ABCA10: variants seen among roughly 807,000 people sequenced by gnomAD.
ABCA10 encodes the protein ATP-binding cassette sub-family A member 10.
A neutral mutation model predicts 187.5 loss-of-function variants in ABCA10; 169 were observed. The ratio of observed to expected loss-of-function variants is 0.90; its 90% CI spans 0.80 to 1.02. The LOEUF (loss-of-function observed/expected upper bound fraction) is 1.02, where lower values mean the gene tolerates loss of function less well. Among genes scored for constraint, ABCA10 ranks in the 50% least tolerant of loss-of-function variants. ABCA10 has a pLI of 0.00. For missense variants in ABCA10, 1,727 were observed against 1,812.4 expected (o/e 0.95, Z 0.86); for synonymous variants, 574 against 601.8 (o/e 0.95, Z 0.68).
At chr17:69,219,463 A>G (rs2074729467) in intron 6 of ABCA10, 82 bp downstream of exon 6, 1 of 1,017,576 alleles carries the variant, frequency 9.8e-7, no homozygotes, top group Non-Finnish European at 1.4e-6. Context: ...AAAACTTGTG[A>G]GTGCGTCCAA....
At chr17:69,202,219 T>C (rs1018749467) in intron 9 of ABCA10, among the ~76,000 whole-genome samples, 1 of 152,136 alleles carries the variant, frequency 6.6e-6, no homozygotes, top group African/African-American at 2.4e-5. Flanking sequence ...GGGAATCATA[T>C]CAAACATCAA....
chr17:69,154,386 T>C, intron 30 of ABCA10, 60 bp from the exon 31 acceptor site: 1 of 1,268,122 alleles, frequency 7.9e-7, no homozygotes, highest in Non-Finnish European at 1.1e-6. Context: ...CTAAAATTGC[T>C]TGGTTGGTTG....
In ABCA10 at chr17:69,191,283, T is replaced by C. The variant is rs755289185; in HGVS notation, c.1904A>G (p.Lys635Arg). The change falls in exon 17 of 39, where the codon AAA becomes AGA. Residue 635 changes from lysine to arginine, a missense_variant. By Grantham distance (26) the Lys-to-Arg change is conservative. Coordinates refer to ENST00000690296, the MANE Select transcript of ABCA10 (RefSeq NM_001377321.1). ...LHRNEMCDTE[K>R]ITSLIKQHIP... ...GTGCTGCTTAATAAGGGATGTGATT[T>C]TTTCTGTGTCACACATTTCATTCCT... The C allele has an allele frequency of 1.0e-5, 16 of 1,600,384 alleles. No homozygotes were observed.
chr17:69,190,891 T>C (rs1412498208), intron 17 of ABCA10, among the ~76,000 whole-genome samples: 1 of 152,012 alleles, frequency 6.6e-6, no homozygotes, highest in Non-Finnish European at 1.5e-5. Context: ...AAAGTCTCAT[T>C]TCATCTGTAT....
chr17:69,235,248 G>A (rs1376289285), intron 1 of ABCA10, among the ~76,000 whole-genome samples: 3 of 152,108 alleles, frequency 2.0e-5, no homozygotes, highest in African/African-American at 7.2e-5. Flanking sequence ...TGCCTGAAAC[G>A]TTTCCTATTT....
At chr17:69,171,605 G>T (rs2144775865) in intron 25 of ABCA10, among the ~76,000 whole-genome samples, 1 of 152,194 alleles carries the variant, frequency 6.6e-6, no homozygotes, top group South Asian at 2.1e-4. Flanking sequence ...TGAATTCCAG[G>T]CATCCCAATT....
At chr17:69,193,443 T>G in intron 14 of ABCA10, 50 bp downstream of exon 14, 3 of 1,576,564 alleles carry the variant, frequency 1.9e-6, no homozygotes, top group Non-Finnish European at 2.6e-6. Context: ...TAATAATAGT[T>G]GTATATCCTT....
intron 1 of ABCA10, among the ~76,000 whole-genome samples, chr17:69,236,608 C>T (rs1412080122): frequency 6.6e-6 from 1 of 152,162 alleles, no homozygotes; most frequent in Non-Finnish European, 1.5e-5. Flanking sequence ...TATGGAAAAA[C>T]TACAGAAAAT....
rs1013114129 is a variant in ABCA10 at position 69,225,307 on chromosome 17, G to T, written c.34+18C>A. 6.2e-7 allele frequency: 1 copy of T among 1,611,942 alleles called. No homozygotes were observed. Among genetic ancestry groups the T allele is most frequent in the South Asian group, 1.1e-5 (1 of 90,958 alleles). On this transcript the variant is annotated intron_variant, in intron 3 of 38. Coordinates refer to ENST00000690296, the MANE Select transcript of ABCA10 (RefSeq NM_001377321.1). ...TTAAGTCACATAATACTGAAACATT[G>T]GTTATTGGACAACACACCTTTCATA...
intron 3 of ABCA10, chr17:69,223,594 T>A: frequency 5.1e-6 from 2 of 389,780 alleles, no homozygotes; most frequent in South Asian, 3.7e-5. Flanking sequence ...TACATTAAGA[T>A]GAAAAAGCTG....
chr17:69,155,482 C>T (rs577888703), intron 29 of ABCA10, among the ~76,000 whole-genome samples: 1 of 152,210 alleles, frequency 6.6e-6, no homozygotes, highest in Non-Finnish European at 1.5e-5. Context: ...ATTAATATTA[C>T]AAGCATACTA....
intron 10 of ABCA10, among the ~76,000 whole-genome samples, chr17:69,197,781 A>AT (rs151096369): frequency 0.015 from 2,347 of 152,166 alleles, 62 homozygotes; most frequent in African/African-American, 0.054. Context: ...GGCGTACTTT[A>AT]TGGACTCCTT....
At chr17:69,194,141 T>C in intron 12 of ABCA10, 152 bp from the exon 13 acceptor site, 1 of 828,506 alleles carries the variant, frequency 1.2e-6, no homozygotes, top group Non-Finnish European at 1.8e-6. Flanking sequence ...ATTGAATAAT[T>C]CAGATTACTG....
rs553256250 is a variant in ABCA10 at position 69,203,768 on chromosome 17, G to A, written c.1007-2100C>T. 1.1e-4 allele frequency among the ~76,000 whole-genome samples: 16 copies of A among 152,180 alleles called. No homozygotes were observed. In the East Asian group the frequency reaches 1.9e-3, roughly 18 times the overall value. On this transcript the variant is annotated intron_variant, in intron 9 of 38. Transcript: ENST00000690296. ...ATGCTTTTGGATTTTTTGTACAAAC[G>A]ATAGTTCAAGAAACAAATATGTTGT... is the stretch of plus-strand genomic sequence containing the variant.
intron 6 of ABCA10, 46 bp from the exon 7 acceptor site, chr17:69,216,404 G>A: frequency 6.4e-7 from 1 of 1,560,006 alleles, no homozygotes; most frequent in Non-Finnish European, 8.7e-7. Context: ...AAACATAAAT[G>A]TTTGGAGAGG....
At chr17:69,218,813 A>G (rs2074725144) in intron 6 of ABCA10, among the ~76,000 whole-genome samples, 1 of 152,184 alleles carries the variant, frequency 6.6e-6, no homozygotes, top group Admixed American at 6.5e-5. Flanking sequence ...TAACATTTTT[A>G]CAGACTATGT....
intron 9 of ABCA10, among the ~76,000 whole-genome samples, chr17:69,205,241 A>G (rs2074582514): frequency 6.6e-6 from 1 of 152,232 alleles, no homozygotes; most frequent in African/African-American, 2.4e-5. Flanking sequence ...TGAAGCTGAG[A>G]GAGAAAAAGA....
intron 10 of ABCA10, among the ~76,000 whole-genome samples, chr17:69,197,660 G>A (rs2074515688): frequency 6.6e-6 from 1 of 152,102 alleles, no homozygotes; most frequent in Non-Finnish European, 1.5e-5. Flanking sequence ...GTCCTTATTT[G>A]ATATACTTCA....
At chr17:69,209,296 T>A (rs182374202) in intron 9 of ABCA10, among the ~76,000 whole-genome samples, 58 of 150,624 alleles carry the variant, frequency 3.9e-4, no homozygotes, top group Middle Eastern at 3.4e-3. Flanking sequence ...TGCTCTTTAG[T>A]CAAAAGAAGA....
Sources: gnomAD v4.1 joint callset for allele counts (sites outside exome capture counted in the v4.1 genomes callset) on GRCh38, gnomAD v4.1.1 for gene constraint, MANE v1.5 for transcripts, NCBI Gene and HGNC (gene_info 2026-07-23, HGNC 2026-07-21) for gene names.